Variants in LZTFL1 observed in about 807,000 individuals in gnomAD.
LZTFL1 encodes leucine zipper transcription factor-like protein 1.
Under a neutral mutation model 45.9 loss-of-function variants are expected in LZTFL1, and 25 were observed. The ratio of observed to expected loss-of-function variants is 0.54; its 90% CI spans 0.40 to 0.76. LZTFL1 has a LOEUF of 0.76. Among genes scored for constraint, LZTFL1 ranks in the 30% least tolerant of loss-of-function variants. LZTFL1 has a pLI of 0.00. For synonymous variants in LZTFL1, 93 were observed against 117.4 expected (o/e 0.79, Z 1.35); for missense variants, 277 against 331.1 (o/e 0.84, Z 1.27).
chr3:45,909,222 TTAAA>T (rs1702741289), intron 2 of LZTFL1, among the ~76,000 whole-genome samples: 1 of 152,176 alleles, frequency 6.6e-6, no homozygotes, highest in African/African-American at 2.4e-5. Flanking sequence ...GTAATAATAA[TTAAA>T]TAAAGTGCAC....
intron 2 of LZTFL1, among the ~76,000 whole-genome samples, chr3:45,897,150 T>G (rs779102341): frequency 6.6e-6 from 1 of 152,198 alleles, no homozygotes; most frequent in African/African-American, 2.4e-5. Flanking sequence ...CACTGAGGTT[T>G]GTTTACATTT....
intron 2 of LZTFL1, among the ~76,000 whole-genome samples, chr3:45,874,804 T>C (rs1327070056): frequency 2.0e-5 from 3 of 152,192 alleles, no homozygotes; most frequent in Non-Finnish European, 2.9e-5. Context: ...AGCCCAGACC[T>C]TCAGAGTCAC....
rs937368014 is a variant in LZTFL1, at chr3:45,826,225, G to A, written c.*89C>T. The A allele has an allele frequency of 9.2e-6, 10 of 1,083,476 alleles. No homozygotes were observed. In the South Asian group the frequency reaches 1.1e-4, roughly 12 times the overall value. The allele number at this position is 1,083,476 out of a possible 1,614,324, so 67.1% of individuals were successfully genotyped here. A position where few individuals can be genotyped will look rare whatever the true frequency, so the allele number is the denominator to read the frequency against. ...AAATATTAGAAAAATAAGGAGAGGG[G>A]ATATGACAAAATGCTTTTCAAAATA... is the stretch of plus-strand genomic sequence containing the variant. On this transcript the variant is annotated 3_prime_UTR_variant, in exon 10 of 10. Transcript: ENST00000296135.
chr3:45,890,317 T>TC (rs1314296937), intron 2 of LZTFL1, among the ~76,000 whole-genome samples: 1 of 61,368 alleles, frequency 1.6e-5, no homozygotes, highest in African/African-American at 9.2e-5. Context: ...ATATATATAT[T>TC]TATATAAATA....
chr3:45,827,491 A>G, intron 8 of LZTFL1, 32 bp from the exon 9 acceptor site: 2 of 1,338,112 alleles, frequency 1.5e-6, no homozygotes. Flanking sequence ...CCCATTACTA[A>G]AAAAATAGTT....
rs1702711592 is a variant in LZTFL1 at position 45,907,846 on chromosome 3, G to C, written c.-215+5274C>G. Among the ~76,000 whole-genome samples the C allele has an allele frequency of 2.0e-5, 3 of 152,326 alleles. No individual in the cohort carries two copies. The South Asian group carries it at 6.2e-4, about 32-fold the overall frequency. On this transcript the variant is annotated intron_variant, in intron 2 of 4. Coordinates refer to the LZTFL1 transcript ENST00000472635. Reference sequence around the variant, plus strand: ...ACTGTGCGTGTTCTTGCTCACGTGTGTCTGCCCAGCAACAGGTACAGTGCC... The same window carrying C: ...ACTGTGCGTGTTCTTGCTCACGTGTCTCTGCCCAGCAACAGGTACAGTGCC...
At chr3:45,902,417 T>A (rs547390449) in intron 2 of LZTFL1, 6 of 168,342 alleles carry the variant, frequency 3.6e-5, no homozygotes, top group African/African-American at 1.2e-4. Context: ...TCTAGAACCT[T>A]TCCAGGCAAT....
chr3:45,865,447 G>T (rs1450007325), intron 2 of LZTFL1, among the ~76,000 whole-genome samples: 1 of 152,238 alleles, frequency 6.6e-6, no homozygotes, highest in African/African-American at 2.4e-5. Flanking sequence ...CGCACTACAT[G>T]CTTCCACATG....
intron 1 of LZTFL1, chr3:45,841,777 G>C: frequency 1.6e-6 from 1 of 629,674 alleles, no homozygotes; most frequent in Non-Finnish European, 2.7e-6. Flanking sequence ...GGGCTGCTGG[G>C]AAAAGGCTTC....
At position 45,827,363 on chromosome 3, in the gene LZTFL1, G is replaced by C; in HGVS notation, c.874C>G (p.Leu292Val). ...GGGATCAGTGTGGCTTACTGTGCCA[G>C]TCTTTTCCTCAGATCTTTGATTTGG... is the stretch of plus-strand genomic sequence containing the variant. ...NDQIKDLRKRLAQYEPED is the reference protein window; with the variant it reads ...NDQIKDLRKRVAQYEPED Residue 292 changes from leucine to valine, a missense_variant, in exon 9 of 10, where the codon CTG (leucine) becomes GTG (valine). By Grantham distance (32) the Leu-to-Val change is conservative. Transcript: ENST00000296135. 1 of 1,609,096 alleles carries C rather than the reference G, an allele frequency of 6.2e-7. No individual in the cohort carries two copies. Among genetic ancestry groups the C allele is most frequent in the Non-Finnish European group, 8.5e-7 (1 of 1,175,524 alleles).
rs543602677 is a variant in LZTFL1, at chr3:45,825,586, C to A, written c.*728G>T. ...ATTACATTTATTCTGAGTCCAGATA[C>A]TTTCTAAACTGTAGAAGTGCAGGAT... On this transcript the variant is annotated 3_prime_UTR_variant, in exon 10 of 10. Coordinates refer to ENST00000296135, the MANE Select transcript of LZTFL1 (RefSeq NM_020347.4). 1 of 152,136 alleles carries A rather than the reference C, an allele frequency of 6.6e-6. No individual in the cohort carries two copies. The allele number at this position is 152,136 out of a possible 1,614,324, so 9.4% of individuals were successfully genotyped here. A position where few individuals can be genotyped will look rare whatever the true frequency, so the allele number is the denominator to read the frequency against.
intron 2 of LZTFL1, among the ~76,000 whole-genome samples, chr3:45,873,666 A>AT (rs1701704293): frequency 2.0e-5 from 3 of 152,266 alleles, no homozygotes; most frequent in Admixed American, 2.0e-4. Flanking sequence ...AAAGCTCACC[A>AT]TAACAGCTCA....
intron 2 of LZTFL1, among the ~76,000 whole-genome samples, chr3:45,868,628 T>G (rs1701616385): frequency 6.6e-6 from 1 of 152,218 alleles, no homozygotes; most frequent in Non-Finnish European, 1.5e-5. Flanking sequence ...CAAGATTGAG[T>G]GACTTGCTCA....
In LZTFL1 at chr3:45,858,761, A is replaced by C. The variant is rs140163049; in HGVS notation, c.-138+179T>G. Among the ~76,000 whole-genome samples the C allele has an allele frequency of 5.7e-3, 865 of 152,348 alleles. 3 individuals are homozygous for C. The highest frequency in any genetic ancestry group is 9.1e-3 in the Non-Finnish European group (621 of 68,020). ...TTGCCAAAAAGTTGAGTCTGTCTTT[A>C]TTAAAAAGAGCAAAGAGTTTTCCTA... On this transcript the variant is annotated intron_variant, in intron 3 of 4. Coordinates refer to the LZTFL1 transcript ENST00000472635.
chr3:45,910,483 G>C (rs951528513), intron 2 of LZTFL1, among the ~76,000 whole-genome samples: 1 of 152,166 alleles, frequency 6.6e-6, no homozygotes, highest in Non-Finnish European at 1.5e-5. Flanking sequence ...CATGAGCATG[G>C]GAAGAGCTGA....
intron 2 of LZTFL1, among the ~76,000 whole-genome samples, chr3:45,909,266 A>T (rs1005298488): frequency 2.0e-5 from 3 of 152,162 alleles, no homozygotes; most frequent in African/African-American, 7.2e-5. Flanking sequence ...AATCATCCCA[A>T]AATCACCTCT....
chr3:45,826,730 C>T (rs1002896266), intron 9 of LZTFL1, among the ~76,000 whole-genome samples: 2 of 152,216 alleles, frequency 1.3e-5, no homozygotes, highest in Non-Finnish European at 1.5e-5. Context: ...AAAATGTCAA[C>T]TCAGTTTCCA....
At chr3:45,893,107 C>T (rs1007097166) in intron 2 of LZTFL1, among the ~76,000 whole-genome samples, 1 of 152,052 alleles carries the variant, frequency 6.6e-6, no homozygotes, top group Non-Finnish European at 1.5e-5. Context: ...TTCCTTTGTA[C>T]CCACCTGCCC....
chr3:45,903,642 G>A (rs77295887), intron 2 of LZTFL1, among the ~76,000 whole-genome samples: 4,180 of 152,270 alleles, frequency 0.027, 195 homozygotes, highest in African/African-American at 0.096. Flanking sequence ...ACATGAGAAT[G>A]AGGAATAAAG....
Sources: gnomAD v4.1 joint callset for allele counts (sites outside exome capture counted in the v4.1 genomes callset) on GRCh38, gnomAD v4.1.1 for gene constraint, MANE v1.5 for transcripts, NCBI Gene and HGNC (gene_info 2026-07-23, HGNC 2026-07-21) for gene names.